The following NAALAD2 variants were observed in gnomAD, a reference collection of about 807,000 sequenced individuals.
NAALAD2 encodes the protein N-acetylated-alpha-linked acidic dipeptidase 2.
In NAALAD2, 89 loss-of-function variants were observed where a neutral mutation model predicts 95.6. The ratio of observed to expected loss-of-function variants is 0.93; its 90% CI spans 0.78 to 1.11. The LOEUF (loss-of-function observed/expected upper bound fraction) is 1.11, where lower values mean the gene tolerates loss of function less well. NAALAD2 is among the 50% of genes least tolerant of loss of function. The pLI, the probability that NAALAD2 is intolerant of heterozygous loss-of-function variation, is 0.00. For synonymous variants in NAALAD2, 264 were observed against 294.4 expected (o/e 0.90, Z 1.06); for missense variants, 894 against 872.4 (o/e 1.02, Z -0.31).
intron 18 of NAALAD2, among the ~76,000 whole-genome samples, chr11:90,187,483 GATC>G (rs1857188937): frequency 6.6e-6 from 1 of 152,076 alleles, no homozygotes; most frequent in Admixed American, 6.6e-5. Flanking sequence ...CTTCCTTCAT[GATC>G]ATAAGGATTA....
intron 2 of NAALAD2, among the ~76,000 whole-genome samples, chr11:90,136,870 T>C (rs2134816417): frequency 6.6e-6 from 1 of 152,298 alleles, no homozygotes; most frequent in Non-Finnish European, 1.5e-5. Flanking sequence ...TTTGCATTTC[T>C]ACCTCAAAAT....
At chr11:90,154,141 T>G (rs747984107) in intron 6 of NAALAD2, among the ~76,000 whole-genome samples, 1 of 151,968 alleles carries the variant, frequency 6.6e-6, no homozygotes, top group South Asian at 2.1e-4. Flanking sequence ...TTTTTCTTTC[T>G]TTTTTGTATA....
chr11:90,179,077 TAAA>T (rs1355218591), intron 16 of NAALAD2, among the ~76,000 whole-genome samples: 1 of 152,202 alleles, frequency 6.6e-6, no homozygotes, highest in Non-Finnish European at 1.5e-5. Context: ...AATTAAAAGA[TAAA>T]AAAGAACATA....
chr11:90,155,200 A>G (rs865803900), intron 6 of NAALAD2, among the ~76,000 whole-genome samples: 5,163 of 127,892 alleles, frequency 0.04, 378 homozygotes, highest in African/African-American at 0.14. Flanking sequence ...ATATGTGTGT[A>G]TATATTATAT....
intron 1 of NAALAD2, 113 bp from the exon 2 acceptor site, chr11:90,135,446 C>A: frequency 1.8e-6 from 1 of 546,314 alleles, no homozygotes; most frequent in Non-Finnish European, 3.1e-6. Flanking sequence ...CCATGATCTA[C>A]TTGTCAGATA....
intron 18 of NAALAD2, among the ~76,000 whole-genome samples, chr11:90,188,091 T>C (rs949773627): frequency 7.2e-5 from 11 of 152,172 alleles, no homozygotes; most frequent in Non-Finnish European, 8.8e-5. Flanking sequence ...TTTACCTTAT[T>C]TGAACAGTTT....
At chr11:90,162,726 T>C in intron 8 of NAALAD2, 1 of 297,440 alleles carries the variant, frequency 3.4e-6, no homozygotes, top group Admixed American at 5.1e-5. Flanking sequence ...AGGTGCATGC[T>C]TAGGTGCTTA....
chr11:90,158,461 A>G, intron 7 of NAALAD2: 1 of 422,908 alleles, frequency 2.4e-6, no homozygotes, highest in Non-Finnish European at 4.2e-6. Context: ...TACAAATGAA[A>G]TTCTCAAATA....
intron 8 of NAALAD2, among the ~76,000 whole-genome samples, chr11:90,159,964 A>C (rs1445210529): frequency 1.3e-5 from 2 of 151,564 alleles, no homozygotes; most frequent in East Asian, 1.9e-4. Flanking sequence ...AAAAAAAAAA[A>C]AAAAAAAAAA....
intron 17 of NAALAD2, 63 bp from the exon 18 acceptor site, chr11:90,182,853 A>T: frequency 2.7e-6 from 3 of 1,098,134 alleles, no homozygotes; most frequent in Non-Finnish European, 4.1e-6. Flanking sequence ...TTTTTATTTA[A>T]TATTATTTTT....
intron 16 of NAALAD2, among the ~76,000 whole-genome samples, chr11:90,178,409 C>T (rs1336772680): frequency 2.6e-5 from 4 of 152,086 alleles, no homozygotes; most frequent in African/African-American, 4.8e-5. Flanking sequence ...CGGTGGCTCA[C>T]GCCTGTAATC....
In NAALAD2 at chr11:90,177,944, A is replaced by G. The variant is rs750012277; in HGVS notation, c.1685A>G (p.Lys562Arg). ...AAATTTTATGACCCCACATTTAAAA[A>G]ACAACTTTCTGTGGCTCAATTACGA... ...VEKFYDPTFK[K>R]QLSVAQLRGA... Residue 562 changes from lysine to arginine, a missense_variant, in exon 16 of 19, where the codon AAA becomes AGA. By Grantham distance (26) the Lys-to-Arg change is conservative. Coordinates refer to ENST00000534061, the MANE Select transcript of NAALAD2 (RefSeq NM_005467.4). The G allele has an allele frequency of 6.2e-7, 1 of 1,614,002 alleles. No homozygotes were observed. The highest frequency in any genetic ancestry group is 8.5e-7 in the Non-Finnish European group (1 of 1,179,970).
intron 2 of NAALAD2, among the ~76,000 whole-genome samples, chr11:90,139,012 A>G (rs1590953911): frequency 6.6e-6 from 1 of 152,106 alleles, no homozygotes. Context: ...GAGCCTTAAA[A>G]TTCTTATTAT....
At position 90,191,613 on chromosome 11, in the gene NAALAD2, G is replaced by A. The variant is rs762166028; in HGVS notation, c.2089G>A (p.Gly697Arg). ...HNKYAGESFP[G>R]IYDAIFDIEN... ...CAAATATGCTGGAGAATCATTTCCT[G>A]GAATCTATGATGCTATCTTTGATAT... The change falls in exon 19 of 19, where the codon GGA becomes AGA. Residue 697 changes from glycine to arginine, a missense_variant. Gly to Arg is a moderately radical substitution (Grantham distance 125). Transcript: ENST00000534061. 5.0e-6 allele frequency: 8 copies of A among 1,602,992 alleles called. No homozygotes were observed. Among genetic ancestry groups the A allele is most frequent in the Non-Finnish European group, 3.4e-6 (4 of 1,174,846 alleles).
chr11:90,157,824 G>T (rs902362851), intron 6 of NAALAD2, among the ~76,000 whole-genome samples: 2 of 151,776 alleles, frequency 1.3e-5, no homozygotes, highest in Admixed American at 6.6e-5. Context: ...GGGTTCAAGC[G>T]ATTCTCCCAC....
chr11:90,182,331 A>G (rs919601006), intron 17 of NAALAD2, among the ~76,000 whole-genome samples: 1 of 152,076 alleles, frequency 6.6e-6, no homozygotes, highest in African/African-American at 2.4e-5. Context: ...AAACTTTGCT[A>G]CTTCCCATAT....
upstream of NAALAD2, among the ~76,000 whole-genome samples, chr11:90,132,611 G>C (rs1397661287): frequency 6.6e-6 from 1 of 152,156 alleles, no homozygotes; most frequent in Non-Finnish European, 1.5e-5. Flanking sequence ...TTAAACACTG[G>C]AGAGTTATTA....
chr11:90,172,778 A>G (rs1162085292), intron 13 of NAALAD2, among the ~76,000 whole-genome samples: 1 of 152,170 alleles, frequency 6.6e-6, no homozygotes, highest in Non-Finnish European at 1.5e-5. Context: ...GTAAATATCT[A>G]TAGAAAAATT....
In NAALAD2 at chr11:90,178,108, G is replaced by C. The variant is rs766078348; in HGVS notation, c.1849G>C (p.Val617Leu). The change falls in exon 16 of 19, where the codon GTA (valine) becomes CTA (leucine). Residue 617 changes from valine to leucine, a missense_variant. Physicochemically the swap from Val to Leu is conservative, Grantham distance 32 (BLOSUM62 1). Transcript: ENST00000534061. ...KHDQQLTDHG[V>L]SFDSLFSAVK... ...TGATCAACAATTGACAGACCATGGA[G>C]TATCATTTGGTAAGAAATAGTTGGG... 1.2e-6 allele frequency: 2 copies of C among 1,606,414 alleles called. No homozygotes were observed. Among genetic ancestry groups the C allele is most frequent in the Non-Finnish European group, 1.7e-6 (2 of 1,177,504 alleles).
Sources: gnomAD v4.1 joint callset for allele counts (sites outside exome capture counted in the v4.1 genomes callset) on GRCh38, gnomAD v4.1.1 for gene constraint, MANE v1.5 for transcripts, NCBI Gene and HGNC (gene_info 2026-07-23, HGNC 2026-07-21) for gene names.